PDE4B: variants seen among roughly 807,000 people sequenced by gnomAD.
PDE4B encodes the protein 3',5'-cyclic-AMP phosphodiesterase 4B.
Under a neutral mutation model 82.2 loss-of-function variants are expected in PDE4B, and 20 were observed. That is an observed-to-expected ratio of 0.24 (90% CI 0.17 to 0.35). The LOEUF is 0.35. Among genes scored for constraint, PDE4B ranks in the 10% least tolerant of loss-of-function variants. The pLI is 1.00. For synonymous variants in PDE4B, 320 were observed against 318.9 expected (o/e 1.00, Z -0.04); for missense variants, 655 against 907.2 (o/e 0.72, Z 3.57).
chr1:66,340,310 G>C (rs1199137040), intron 8 of PDE4B, among the ~76,000 whole-genome samples: 1 of 152,200 alleles, frequency 6.6e-6, no homozygotes, highest in Non-Finnish European at 1.5e-5. Flanking sequence ...GGACTGTTAA[G>C]TTATTTAGAA....
chr1:65,968,517 T>C (rs1397543342), intron 3 of PDE4B, among the ~76,000 whole-genome samples: 2 of 151,852 alleles, frequency 1.3e-5, no homozygotes, highest in Admixed American at 1.3e-4. Flanking sequence ...AATTCACTCA[T>C]TGTTTAAAGC....
At chr1:65,802,738 T>C (rs935010543) in intron 1 of PDE4B, among the ~76,000 whole-genome samples, 8 of 152,200 alleles carry the variant, frequency 5.3e-5, no homozygotes, top group African/African-American at 1.7e-4. Flanking sequence ...TAGTTTAAAA[T>C]GGTTATAAAT....
At chr1:66,024,854 T>C (rs993831542) in intron 3 of PDE4B, among the ~76,000 whole-genome samples, 16 of 152,052 alleles carry the variant, frequency 1.1e-4, no homozygotes, top group African/African-American at 3.9e-4. Context: ...ATGTATTTTA[T>C]TTCATAGCCT....
intron 1 of PDE4B, among the ~76,000 whole-genome samples, chr1:65,867,715 A>C (rs1229884744): frequency 6.6e-6 from 1 of 152,192 alleles, no homozygotes; most frequent in Non-Finnish European, 1.5e-5. Flanking sequence ...GATTCCCTCT[A>C]CTTAGGAACT....
chr1:66,261,850 T>C (rs546849235), intron 6 of PDE4B, among the ~76,000 whole-genome samples: 6 of 152,382 alleles, frequency 3.9e-5, no homozygotes, highest in South Asian at 2.1e-4. Context: ...TTTAGAGTTG[T>C]TAATTCAGAT....
intron 1 of PDE4B, among the ~76,000 whole-genome samples, chr1:65,824,654 T>C (rs1381846186): frequency 6.7e-6 from 1 of 149,988 alleles, no homozygotes; most frequent in Non-Finnish European, 1.5e-5. Context: ...TACAAATATA[T>C]ACATACATAT....
intron 3 of PDE4B, among the ~76,000 whole-genome samples, chr1:66,205,601 A>G (rs481249): frequency 0.13 from 19,378 of 152,278 alleles, 1,436 homozygotes; most frequent in Non-Finnish European, 0.17. Context: ...GCATTATCTT[A>G]TTCACTCTCA....
chr1:65,930,994 C>T (rs1313403425), intron 3 of PDE4B, among the ~76,000 whole-genome samples: 2 of 152,160 alleles, frequency 1.3e-5, no homozygotes, highest in African/African-American at 4.8e-5. Flanking sequence ...GAAGTGGGAC[C>T]TGGTGGGAGG....
intron 3 of PDE4B, among the ~76,000 whole-genome samples, chr1:66,043,181 T>C (rs1304547482): frequency 6.6e-6 from 1 of 151,804 alleles, no homozygotes; most frequent in Non-Finnish European, 1.5e-5. Flanking sequence ...CTTTTAACAA[T>C]AGCTACTTCC....
chr1:66,241,847 T>A (rs1204403330), intron 3 of PDE4B, among the ~76,000 whole-genome samples: 1 of 152,168 alleles, frequency 6.6e-6, no homozygotes, highest in Non-Finnish European at 1.5e-5. Flanking sequence ...ACCTAGTGAC[T>A]CCCTTTAAGA....
intron 3 of PDE4B, among the ~76,000 whole-genome samples, chr1:66,099,854 T>C (rs2101017350): frequency 6.6e-6 from 1 of 152,222 alleles, no homozygotes; most frequent in East Asian, 1.9e-4. Flanking sequence ...CAGAACAGAT[T>C]GCTTTCTCTG....
chr1:65,825,705 C>T (rs7540458), intron 1 of PDE4B, among the ~76,000 whole-genome samples: 24,987 of 107,450 alleles, frequency 0.23, 2,615 homozygotes, highest in Non-Finnish European at 0.28. Context: ...AACAAAATTA[C>T]CTATCTATCT....
At chr1:66,054,769 A>G (rs1301925635) in intron 3 of PDE4B, among the ~76,000 whole-genome samples, 1 of 152,184 alleles carries the variant, frequency 6.6e-6, no homozygotes, top group Non-Finnish European at 1.5e-5. Context: ...TATGATGTAT[A>G]CATTCAGTAT....
intron 1 of PDE4B, among the ~76,000 whole-genome samples, chr1:65,879,812 T>C (rs1365944146): frequency 6.6e-6 from 1 of 152,214 alleles, no homozygotes; most frequent in Non-Finnish European, 1.5e-5. Flanking sequence ...TAACCAAACT[T>C]AAGGGCTGTT....
At chr1:65,933,828 T>G (rs1216714035) in intron 3 of PDE4B, among the ~76,000 whole-genome samples, 1 of 152,158 alleles carries the variant, frequency 6.6e-6, no homozygotes, top group Non-Finnish European at 1.5e-5. Context: ...TTCAGACTAC[T>G]GCAAACACTG....
chr1:66,292,832 T>A (rs1484540246), intron 7 of PDE4B, among the ~76,000 whole-genome samples: 2 of 152,230 alleles, frequency 1.3e-5, no homozygotes, highest in African/African-American at 4.8e-5. Context: ...TAATTCTACA[T>A]GATTTGAAAA....
intron 1 of PDE4B, among the ~76,000 whole-genome samples, chr1:65,908,398 T>C (rs945414914): frequency 3.3e-5 from 5 of 152,146 alleles, no homozygotes; most frequent in African/African-American, 1.2e-4. Flanking sequence ...CATTGGTAAA[T>C]AACTGACAGT....
chr1:65,852,916 T>A (rs547008140), intron 1 of PDE4B, among the ~76,000 whole-genome samples: 125 of 152,218 alleles, frequency 8.2e-4, no homozygotes, highest in Admixed American at 1.2e-3. Flanking sequence ...TTGATAATGT[T>A]AAGAATTATT....
intron 8 of PDE4B, among the ~76,000 whole-genome samples, chr1:66,347,523 T>C (rs1449022225): frequency 2.0e-5 from 3 of 152,190 alleles, no homozygotes; most frequent in African/African-American, 7.2e-5. Flanking sequence ...AAGGAAAGGA[T>C]AGATCTATGT....
Sources: allele counts gnomAD v4.1 joint callset (sites outside exome capture counted in the v4.1 genomes callset), GRCh38; gene constraint gnomAD v4.1.1; transcripts MANE v1.5; gene names NCBI Gene and HGNC (gene_info 2026-07-23, HGNC 2026-07-21).